LGALS4: variants seen among roughly 807,000 people sequenced by gnomAD.
The protein encoded by LGALS4 is galectin 4, also known as galectin-4.
In LGALS4, 37 loss-of-function variants were observed where a neutral mutation model predicts 39.6. The observed-to-expected ratio is 0.93, with a 90% CI of 0.72 to 1.23. LGALS4 has a LOEUF of 1.23. Among genes scored for constraint, LGALS4 ranks in the 50% most tolerant of loss-of-function variants. LGALS4 has a pLI of 0.00. For synonymous variants in LGALS4, 160 were observed against 165.5 expected, an observed-to-expected ratio of 0.97 and a Z score of 0.25; for missense variants, 397 against 433.2, an observed-to-expected ratio of 0.92 and a Z score of 0.74.
Position 38,806,557 on chromosome 19 carries a change from G to C in LGALS4, c.378C>G (p.His126Gln). The C allele has an allele frequency of 6.2e-7, 1 of 1,614,036 alleles. No individual in the cohort carries two copies. The highest frequency in any genetic ancestry group is 8.5e-7 in the Non-Finnish European group (1 of 1,179,992). The change falls in exon 4 of 10, where the codon CAC (histidine) becomes CAG (glutamine). Residue 126 changes from histidine (H) to glutamine (Q), a missense_variant. By Grantham distance (24) the His-to-Gln change is conservative. Coordinates refer to ENST00000307751, the MANE Select transcript of LGALS4 (RefSeq NM_006149.4). ...GGGTGACCATCTGTAGGGGAAGCCGGTGCCCGTACTCATAGAAGGGATTTC... is the reference window on the plus strand; with the variant it reads ...GGGTGACCATCTGTAGGGGAAGCCGCTGCCCGTACTCATAGAAGGGATTTC... ...VNGNPFYEYG[H>Q]RLPLQMVTHL...
intron 4 of LGALS4, among the ~76,000 whole-genome samples, chr19:38,805,836 CTG>C (rs1971415802): frequency 6.6e-6 from 1 of 152,132 alleles, no homozygotes; most frequent in African/African-American, 2.4e-5. Flanking sequence ...CTCTGGGAGA[CTG>C]TAGCCAGCAG....
In LGALS4 at chr19:38,803,531, G is replaced by A. The variant is rs776265378; in HGVS notation, c.561C>T (p.Thr187=). Residue 187 remains threonine (T), a synonymous_variant, in exon 7 of 10, where the codon ACC becomes ACT. Transcript: ENST00000307751. ...NSLPTMEGPP[T]FNPPVPYFGR... is the part of the protein sequence containing the mutation. The stretch of plus-strand genomic sequence containing the variant: ...TTTCCCCAAGCCATACCGGGTTGAA[G>A]GTTGGGGGTCCTTCCATGGTCTGTG... The A allele has an allele frequency of 5.6e-6, 9 of 1,614,004 alleles. No individual in the cohort carries two copies. The highest frequency in any genetic ancestry group is 7.6e-6 in the Non-Finnish European group (9 of 1,180,008).
rs1266053292 is a variant in LGALS4, at chr19:38,806,421, TAGAA to T, written c.474+36_474+39del. On this transcript the variant is annotated intron_variant, in intron 4 of 9. Coordinates refer to ENST00000307751, the MANE Select transcript of LGALS4 (RefSeq NM_006149.4). The stretch of plus-strand genomic sequence containing the variant: ...AAAAAAATGAATGTGGAACTGAATT[TAGAA>T]AGAAAGGACGCAAGAAGGGATGGGA... 3.2e-6 allele frequency: 5 copies of T among 1,574,864 alleles called. No individual in the cohort carries two copies. In the East Asian group the frequency reaches 6.8e-5, roughly 21 times the overall value.
chr19:38,809,721 C>A (rs1381485679), intron 2 of LGALS4, among the ~76,000 whole-genome samples: 4 of 143,824 alleles, frequency 2.8e-5, no homozygotes, highest in African/African-American at 1.0e-4. Context: ...AACTCCCGGG[C>A]TCAAGCAATC....
Position 38,803,738 on chromosome 19 carries a change from T to A in LGALS4, c.540+4A>T, listed in dbSNP as rs371990174. On this transcript the variant is annotated splice_donor_region_variant and intron_variant, in intron 6 of 9. Coordinates refer to ENST00000307751, the MANE Select transcript of LGALS4 (RefSeq NM_006149.4). ...CCCGGGGCCCTCCCAGCCCTCCCAC[T>A]CACGGGCAGGCTGTTCAGCTGTTGA... 26 of 1,612,368 alleles carry A rather than the reference T, an allele frequency of 1.6e-5. No homozygotes were observed. The African/African-American group carries it at 3.1e-4, about 19-fold the overall frequency.
chr19:38,806,661 C>A, intron 3 of LGALS4, 66 bp from the exon 4 acceptor site: 1 of 1,569,470 alleles, frequency 6.4e-7, no homozygotes, highest in Non-Finnish European at 8.7e-7. Flanking sequence ...AAACAGGAAG[C>A]AAGGGCAGGG....
At chr19:38,803,837 AGG>A in intron 5 of LGALS4, 30 bp downstream of exon 5, 1 of 1,612,956 alleles carries the variant, frequency 6.2e-7, no homozygotes. Flanking sequence ...CCCACTAGGG[AGG>A]AAGACCCTCA....
intron 8 of LGALS4, 42 bp downstream of exon 8, chr19:38,802,274 G>A (rs1188993394): frequency 6.2e-7 from 1 of 1,601,164 alleles, no homozygotes; most frequent in Non-Finnish European, 8.6e-7. Context: ...TTGGGTCTGA[G>A]GGAGGAGGGG....
chr19:38,803,530 A>C lies in LGALS4; in HGVS notation c.562T>G (p.Phe188Val). Residue 188 changes from phenylalanine (F) to valine (V), a missense_variant, in exon 7 of 10, where the codon TTC (phenylalanine) becomes GTC (valine). Coordinates refer to ENST00000307751, the MANE Select transcript of LGALS4 (RefSeq NM_006149.4). Reference protein sequence around the residue: ...SLPTMEGPPTFNPPVPYFGRL... With the variant: ...SLPTMEGPPTVNPPVPYFGRL... ...GTTTCCCCAAGCCATACCGGGTTGA[A>C]GGTTGGGGGTCCTTCCATGGTCTGT... 6.2e-7 allele frequency: 1 copy of C among 1,614,022 alleles called. No individual in the cohort carries two copies. The highest frequency in any genetic ancestry group is 8.5e-7 in the Non-Finnish European group (1 of 1,179,958).
chr19:38,803,970 C>T, intron 4 of LGALS4, 75 bp from the exon 5 acceptor site: 1 of 1,512,460 alleles, frequency 6.6e-7, no homozygotes, highest in South Asian at 1.2e-5. Flanking sequence ...AGAGTGCCTG[C>T]CCTGGGGTGG....
chr19:38,811,610 A>G (rs1971494434), intron 2 of LGALS4, among the ~76,000 whole-genome samples: 1 of 152,042 alleles, frequency 6.6e-6, no homozygotes, highest in Non-Finnish European at 1.5e-5. Flanking sequence ...GTGAGCTATA[A>G]TATTGTGCCA....
chr19:38,803,592 G>A (rs746631771), intron 6 of LGALS4, 41 bp from the exon 7 acceptor site: 18 of 1,610,814 alleles, frequency 1.1e-5, no homozygotes, highest in Admixed American at 3.3e-5. Context: ...TCCAAGAGTC[G>A]ACAGATATCT....
chr19:38,803,675 G>T, intron 6 of LGALS4, 67 bp downstream of exon 6: 1 of 1,598,478 alleles, frequency 6.3e-7, no homozygotes, highest in Non-Finnish European at 8.5e-7. Flanking sequence ...ACCCCTCTTA[G>T]CTCCCCCTAC....
chr19:38,808,993 G>A (rs867184007), intron 2 of LGALS4, 45 bp from the exon 3 acceptor site: 1 of 1,502,250 alleles, frequency 6.7e-7, no homozygotes, highest in Non-Finnish European at 9.0e-7. Context: ...CACCTCCCGG[G>A]GCCTGGGGGC....
Position 38,812,493 on chromosome 19 carries a change from C to T in LGALS4, c.72G>A (p.Pro24=), listed in dbSNP as rs76163867. ...CAGACATTCCCACGTTGAGCCCGCC[C>T]GGGATGGGCTGGTAGTAAGGCAGCG... is the stretch of plus-strand genomic sequence containing the variant. ...NPTLPYYQPI[P]GGLNVGMSVY... The change falls in exon 2 of 10, where the codon CCG becomes CCA. Residue 24 remains proline (P), a synonymous_variant. Transcript: ENST00000307751. 27 of 1,614,172 alleles carry T rather than the reference C, an allele frequency of 1.7e-5. No individual in the cohort carries two copies. The highest frequency in any genetic ancestry group is 5.3e-5 in the African/African-American group (4 of 75,054).
chr19:38,809,018 C>T (rs2090167990), intron 2 of LGALS4, 70 bp from the exon 3 acceptor site: 2 of 1,331,486 alleles, frequency 1.5e-6, no homozygotes, highest in Non-Finnish European at 2.1e-6. Flanking sequence ...TCCAGGAAGC[C>T]CTCTCCCTGC....
In LGALS4 at chr19:38,802,383, G is replaced by T. The variant is rs375729824; in HGVS notation, c.592C>A (p.Leu198Met). The stretch of plus-strand genomic sequence containing the variant: ...CTTCGAGCTGTGAGCCCTCCTTGCA[G>T]CCTCCCGAAATATGGCACAGGCTGT... Reference protein sequence around the residue: ...FNPPVPYFGRLQGGLTARRTI... With the variant: ...FNPPVPYFGRMQGGLTARRTI... The change falls in exon 8 of 10, where the codon CTG becomes ATG. Residue 198 changes from leucine (L) to methionine (M), a missense_variant. Physicochemically the swap from Leu to Met is conservative, Grantham distance 15. Coordinates refer to ENST00000307751, the MANE Select transcript of LGALS4 (RefSeq NM_006149.4). 4.3e-6 allele frequency: 7 copies of T among 1,614,084 alleles called. No homozygotes were observed. The highest frequency in any genetic ancestry group is 5.9e-6 in the Non-Finnish European group (7 of 1,180,026).
chr19:38,806,005 G>A (rs1568351074), intron 4 of LGALS4, among the ~76,000 whole-genome samples: 1 of 152,136 alleles, frequency 6.6e-6, no homozygotes, highest in Non-Finnish European at 1.5e-5. Context: ...CTGGGAGGCA[G>A]AGGTTGCAGT....
Position 38,801,856 on chromosome 19 carries a change from G to C in LGALS4, c.880C>G (p.Leu294Val), listed in dbSNP as rs771531951. 2 of 1,614,238 alleles carry C rather than the reference G, an allele frequency of 1.2e-6. No homozygotes were observed. Among genetic ancestry groups the C allele is most frequent in the Non-Finnish European group, 1.7e-6 (2 of 1,180,034 alleles). The change falls in exon 10 of 10, where the codon CTC (leucine) becomes GTC (valine). Residue 294 changes from leucine (L) to valine (V), a missense_variant. By Grantham distance (32) the Leu-to-Val change is conservative. Coordinates refer to ENST00000307751, the MANE Select transcript of LGALS4 (RefSeq NM_006149.4). Reference protein sequence around the residue: ...RFKVYANGQHLFDFAHRLSAF... With the variant: ...RFKVYANGQHVFDFAHRLSAF... ...GAGAGGCGATGGGCAAAGTCAAAGAGGTGCTGGCCATTGGCGTAAACCTTG... is the reference window on the plus strand; with the variant it reads ...GAGAGGCGATGGGCAAAGTCAAAGACGTGCTGGCCATTGGCGTAAACCTTG...
Sources: allele counts gnomAD v4.1 joint callset (sites outside exome capture counted in the v4.1 genomes callset), GRCh38; gene constraint gnomAD v4.1.1; transcripts MANE v1.5; gene names NCBI Gene and HGNC (gene_info 2026-07-23, HGNC 2026-07-21).